PDGFC: variants seen among roughly 807,000 people sequenced by gnomAD.
PDGFC encodes the protein platelet derived growth factor C.
PDGFC carries 12 observed loss-of-function variants against 35.5 expected under a neutral mutation model. The observed-to-expected ratio is 0.34, with a 90% confidence interval of 0.22 to 0.55. The LOEUF is 0.55. Ranked by LOEUF, PDGFC falls within the 20% of genes least tolerant of loss-of-function variation. The probability of loss-of-function intolerance (pLI) is 0.91; values close to 1 mark genes in which losing one functional copy is unlikely to be tolerated. For synonymous variants in PDGFC, 159 were observed against 148.8 expected (o/e 1.07, Z -0.50); for missense variants, 322 against 412.4 (o/e 0.78, Z 1.90).
intron 2 of PDGFC, among the ~76,000 whole-genome samples, chr4:156,824,309 TATATATATATATATATATACACACAC>T (rs1298476050): frequency 3.8e-4 from 16 of 42,404 alleles, no homozygotes; most frequent in African/African-American, 1.2e-3. Context: ...TATATATATA[TATATATATATATATATATACACACAC>T]ACACACACAC....
At chr4:156,904,654 T>C (rs1488892965) in intron 1 of PDGFC, among the ~76,000 whole-genome samples, 2 of 152,130 alleles carry the variant, frequency 1.3e-5, no homozygotes, top group African/African-American at 4.8e-5. Flanking sequence ...TGTGTATTAG[T>C]TGTTCCAACT....
chr4:156,951,883 G>A (rs564312256), intron 1 of PDGFC, among the ~76,000 whole-genome samples: 3 of 151,670 alleles, frequency 2.0e-5, no homozygotes, highest in Non-Finnish European at 4.4e-5. Flanking sequence ...ATAAATTTTA[G>A]AAGTAAAGAA....
intron 2 of PDGFC, among the ~76,000 whole-genome samples, chr4:156,840,117 G>A (rs903723250): frequency 1.3e-5 from 2 of 152,214 alleles, no homozygotes; most frequent in Non-Finnish European, 2.9e-5. Context: ...AAGTAACAAG[G>A]AGCCAAATGC....
In PDGFC at chr4:156,839,061, C is replaced by T. The variant is rs182467313; in HGVS notation, c.314+11160G>A. On this transcript the variant is annotated intron_variant, in intron 2 of 5. Transcript: ENST00000502773. Reference sequence around the variant, plus strand: ...GGTTGAAAGGAAGCGGTGTATTAAGCGACTGAGCTAAAGCTGTGACGGTTT... The same window carrying T: ...GGTTGAAAGGAAGCGGTGTATTAAGTGACTGAGCTAAAGCTGTGACGGTTT... Among the ~76,000 whole-genome samples, 8 of 152,272 alleles carry T rather than the reference C, an allele frequency of 5.3e-5. No homozygotes were observed. The South Asian group carries it at 8.3e-4, about 16-fold the overall frequency.
intron 3 of PDGFC, among the ~76,000 whole-genome samples, chr4:156,802,930 T>G (rs989270668): frequency 6.6e-6 from 1 of 152,174 alleles, no homozygotes; most frequent in Non-Finnish European, 1.5e-5. Flanking sequence ...GATGCTCCAT[T>G]TTCTCAGTAT....
rs1410833944 is a variant in PDGFC at position 156,760,937 on chromosome 4, T to C, written c.*2153A>G. ...TACTTACTACGTTGCATATTCCATA[T>C]ATCTAGTTGGCCTCTATATGGATAG... is the stretch of plus-strand genomic sequence containing the variant. On this transcript the variant is annotated 3_prime_UTR_variant, in exon 6 of 6. Coordinates refer to ENST00000502773, the MANE Select transcript of PDGFC (RefSeq NM_016205.3). The C allele has an allele frequency of 6.6e-6, 1 of 152,186 alleles. No individual in the cohort carries two copies. Among genetic ancestry groups the C allele is most frequent in the Admixed American group, 6.5e-5 (1 of 15,286 alleles). 9.4% of individuals were successfully genotyped at this position (152,186 alleles called of 1,614,324 possible).
chr4:156,776,627 T>C (rs1730837375), intron 3 of PDGFC, among the ~76,000 whole-genome samples: 1 of 152,240 alleles, frequency 6.6e-6, no homozygotes, highest in South Asian at 2.1e-4. Flanking sequence ...ACAATCTATG[T>C]GATGAAGTGT....
intron 4 of PDGFC, among the ~76,000 whole-genome samples, chr4:156,770,924 A>G (rs2110810167): frequency 6.6e-6 from 1 of 152,298 alleles, no homozygotes; most frequent in East Asian, 1.9e-4. Context: ...ATGTCTAATT[A>G]GAAGCTTTTA....
At chr4:156,854,646 T>G (rs894678365) in intron 1 of PDGFC, among the ~76,000 whole-genome samples, 2 of 152,130 alleles carry the variant, frequency 1.3e-5, no homozygotes, top group South Asian at 4.1e-4. Flanking sequence ...CAACAAACAT[T>G]AAGTTTACCA....
chr4:156,867,382 T>C (rs1729870110), intron 1 of PDGFC, among the ~76,000 whole-genome samples: 1 of 152,248 alleles, frequency 6.6e-6, no homozygotes, highest in African/African-American at 2.4e-5. Context: ...TGCCAGGTGA[T>C]ACTTCTTTCT....
chr4:156,825,590 T>TAAGAAGAAGAAGAAGAAGAAGGAG, intron 2 of PDGFC, among the ~76,000 whole-genome samples: 1 of 78,356 alleles, frequency 1.3e-5, no homozygotes, highest in African/African-American at 6.7e-5. Flanking sequence ...ATAATAATAA[T>TAAGAAGAAGAAGAAGAAGAAGGAG]AATAAGAAGA....
At chr4:156,920,644 AACAC>A (rs10611712) in intron 1 of PDGFC, among the ~76,000 whole-genome samples, 24,239 of 131,678 alleles carry the variant, frequency 0.18, 1,930 homozygotes, top group Admixed American at 0.2. Context: ...AGGAAAAGAA[AACAC>A]ACACACACAC....
rs397707839 is a variant in PDGFC, at chr4:156,926,049, C to CAAA, written c.118+44734_118+44736dup. ...GCCTGGGTGAAAGTAAGATCTGTCT[C>CAAA]AAAAAAAAAAAAAAAAAAAAAAAAG... is the stretch of plus-strand genomic sequence containing the variant. On this transcript the variant is annotated intron_variant, in intron 1 of 5. Transcript: ENST00000502773. Among the ~76,000 whole-genome samples, 483 of 66,968 alleles carry CAAA rather than the reference C, an allele frequency of 7.2e-3. 11 individuals are homozygous for CAAA. The highest frequency in any genetic ancestry group is 0.019 in the African/African-American group (286 of 14,792). The allele number at this position is 66,968 out of a possible 152,430, so 43.9% of individuals were successfully genotyped here.
chr4:156,923,562 C>G (rs1731338109), intron 1 of PDGFC, among the ~76,000 whole-genome samples: 1 of 152,156 alleles, frequency 6.6e-6, no homozygotes, highest in South Asian at 2.1e-4. Flanking sequence ...AAAGAAAACT[C>G]TAAGCCATTT....
At chr4:156,952,169 T>C (rs1272822981) in intron 1 of PDGFC, among the ~76,000 whole-genome samples, 2 of 151,824 alleles carry the variant, frequency 1.3e-5, no homozygotes, top group Non-Finnish European at 2.9e-5. Context: ...TCTAGACCTT[T>C]TGCTACATAC....
rs1002184128 is a variant in PDGFC, at chr4:156,966,113, A to G, written c.118+4673T>C. The stretch of plus-strand genomic sequence containing the variant: ...TAACACTGGTGCATACTAAATGATT[A>G]TCAAATATTAGATGTCTCCTTAGGA... On this transcript the variant is annotated intron_variant, in intron 1 of 5. Coordinates refer to ENST00000502773, the MANE Select transcript of PDGFC (RefSeq NM_016205.3). Among the ~76,000 whole-genome samples, 7 of 152,346 alleles carry G rather than the reference A, an allele frequency of 4.6e-5. No individual in the cohort carries two copies. The East Asian group carries it at 1.4e-3, about 29-fold the overall frequency.
rs140294556 is a variant in PDGFC, at chr4:156,949,765, A to G, written c.118+21021T>C. ...GAATGACTTTTGACTTTCTATGGAA[A>G]TCAAAGACTGCACAAATGAGAAAAC... On this transcript the variant is annotated intron_variant, in intron 1 of 5. Coordinates refer to ENST00000502773, the MANE Select transcript of PDGFC (RefSeq NM_016205.3). 3.5e-3 allele frequency among the ~76,000 whole-genome samples: 532 copies of G among 152,022 alleles called. 2 individuals are homozygous for G. The highest frequency in any genetic ancestry group is 0.017 in the Middle Eastern group (5 of 294).
rs773638800 is a variant in PDGFC, at chr4:156,970,838, C to T, written c.66G>A (p.Ala22=). 3.8e-5 allele frequency: 61 copies of T among 1,613,774 alleles called. No individual in the cohort carries two copies. Among genetic ancestry groups the T allele is most frequent in the Admixed American group, 1.7e-4 (10 of 59,998 alleles). ...ALAGQRQGTQ[A]ESNLSSKFQF... ...GGAATTTACTACTCAGGTTGGATTC[C>T]GCCTGAGTCCCCTGTCTCTGGCCGG... Residue 22 remains alanine (A), a synonymous_variant, in exon 1 of 6, where the codon GCG becomes GCA. Coordinates refer to ENST00000502773, the MANE Select transcript of PDGFC (RefSeq NM_016205.3).
intron 4 of PDGFC, among the ~76,000 whole-genome samples, chr4:156,771,805 T>G (rs920733028): frequency 8.5e-5 from 13 of 152,316 alleles, no homozygotes; most frequent in African/African-American, 3.1e-4. Flanking sequence ...AGGCTGTCAC[T>G]GCATTCTCCA....
Sources: gnomAD v4.1 joint callset for allele counts (sites outside exome capture counted in the v4.1 genomes callset) on GRCh38, gnomAD v4.1.1 for gene constraint, MANE v1.5 for transcripts, NCBI Gene and HGNC (gene_info 2026-07-23, HGNC 2026-07-21) for gene names.